ERN2: variants seen among roughly 807,000 people sequenced by gnomAD.
ERN2 encodes serine/threonine-protein kinase/endoribonuclease IRE2.
Under a neutral mutation model 107.9 loss-of-function variants are expected in ERN2, and 111 were observed. That is an observed-to-expected ratio of 1.03 (90% CI 0.88 to 1.20). The LOEUF (loss-of-function observed/expected upper bound fraction) is 1.20, where lower values mean the gene tolerates loss of function less well. ERN2 is among the 50% of genes most tolerant of loss of function. ERN2 has a pLI of 0.00. For missense variants in ERN2, 1,225 were observed against 1,197.9 expected, an observed-to-expected ratio of 1.02 and a Z score of -0.33; for synonymous variants, 524 against 501.7, an observed-to-expected ratio of 1.04 and a Z score of -0.59.
intron 17 of ERN2, 61 bp downstream of exon 17, chr16:23,694,667 G>A: frequency 7.1e-7 from 1 of 1,418,122 alleles, no homozygotes; most frequent in Non-Finnish European, 9.5e-7. Context: ...AACTGGGACA[G>A]GGACGGATTC....
At chr16:23,700,406 C>T in intron 13 of ERN2, 133 bp downstream of exon 13, 1 of 857,812 alleles carries the variant, frequency 1.2e-6, no homozygotes, top group Non-Finnish European at 1.8e-6. Flanking sequence ...AGGCTCTACT[C>T]AAAACACTCT....
chr16:23,702,720 A>G lies in ERN2; in HGVS notation c.855-18T>C, dbSNP rs1960139506. 2 of 1,605,460 alleles carry G rather than the reference A, an allele frequency of 1.2e-6. No individual in the cohort carries two copies. The highest frequency in any genetic ancestry group is 1.3e-5 in the African/African-American group (1 of 74,876). On this transcript the variant is annotated intron_variant, in intron 8 of 21. Transcript: ENST00000256797. ...GCGTCATTCTAGTGGGAGAGAAGAA[A>G]AAGAAGAGAAGAATGAATGCTGGTG...
chr16:23,710,912 C>T lies in ERN2; in HGVS notation c.199+1G>A, dbSNP rs1960514149. ...GGGAGGAGGGACCACCTCTTGCTCA[C>T]CATCCCTCAGAGTCCACTTCAGGTC... On this transcript the variant is annotated splice_donor_variant, in intron 2 of 21. Transcript: ENST00000256797. LOFTEE classifies it high-confidence loss of function. 1.2e-6 allele frequency: 2 copies of T among 1,608,422 alleles called. No individual in the cohort carries two copies. Among genetic ancestry groups the T allele is most frequent in the Non-Finnish European group, 8.5e-7 (1 of 1,174,776 alleles).
At chr16:23,696,291 G>A (rs1305896662) in intron 13 of ERN2, among the ~76,000 whole-genome samples, 1 of 152,244 alleles carries the variant, frequency 6.6e-6, no homozygotes, top group African/African-American at 2.4e-5. Flanking sequence ...GAAAGAACGG[G>A]TGGAGGTGAT....
At chr16:23,710,075 A>G in intron 4 of ERN2, 97 bp downstream of exon 4, 2 of 818,018 alleles carry the variant, frequency 2.4e-6, no homozygotes, top group East Asian at 2.4e-5. Flanking sequence ...CCTCTGCAGA[A>G]CAGGAGATAC....
chr16:23,693,429 A>C (rs1174329791), intron 17 of ERN2, among the ~76,000 whole-genome samples: 1 of 151,682 alleles, frequency 6.6e-6, no homozygotes, highest in East Asian at 1.9e-4. Context: ...TCTCTACTAA[A>C]AATACAAAAA....
At position 23,694,717 on chromosome 16, in the gene ERN2, G is replaced by A. The variant is rs560836583; in HGVS notation, c.2100+11C>T. On this transcript the variant is annotated intron_variant, in intron 17 of 21. Coordinates refer to ENST00000256797, the MANE Select transcript of ERN2 (RefSeq NM_033266.4). ...AGCTGTGTGCCTGGAGGACTTGGTG[G>A]ATAGACTCACAGGACTGTCTGGTGG... 6.3e-7 allele frequency: 1 copy of A among 1,591,708 alleles called. No homozygotes were observed. Among genetic ancestry groups the A allele is most frequent in the South Asian group, 1.1e-5 (1 of 88,644 alleles).
chr16:23,696,087 C>G, intron 13 of ERN2, 109 bp from the exon 14 acceptor site: 1 of 761,316 alleles, frequency 1.3e-6, no homozygotes, highest in Non-Finnish European at 2.3e-6. Flanking sequence ...CTCCCATGCT[C>G]AGCCTGGTGC....
At chr16:23,702,568 G>A (rs1465562711) in intron 9 of ERN2, 31 bp from the exon 10 acceptor site, 2 of 1,613,966 alleles carry the variant, frequency 1.2e-6, no homozygotes, top group Admixed American at 1.7e-5. Flanking sequence ...CCATGAGTGA[G>A]GGAGGTTCTT....
chr16:23,692,221 C>T lies in ERN2; in HGVS notation c.2211G>A (p.Gly737=), dbSNP rs770546829. Residue 737 remains glycine, a synonymous_variant, in exon 18 of 22, where the codon GGG becomes GGA. Coordinates refer to ENST00000256797, the MANE Select transcript of ERN2 (RefSeq NM_033266.4). ...SLYRQANILT[G]APCLAHLEEE... ...CCTCCAGGTGAGCCAGACAGGGAGC[C>T]CCTGTGAGGATGTTTGCCTGGCGAT... is the stretch of plus-strand genomic sequence containing the variant. 2.5e-6 allele frequency: 4 copies of T among 1,614,170 alleles called. No homozygotes were observed. Among genetic ancestry groups the T allele is most frequent in the African/African-American group, 2.7e-5 (2 of 75,044 alleles).
rs760025474 is a variant in ERN2 at position 23,695,033 on chromosome 16, T to C, written c.1886A>G (p.His629Arg). 4.3e-6 allele frequency: 7 copies of C among 1,612,992 alleles called. No homozygotes were observed. Among genetic ancestry groups the C allele is most frequent in the Non-Finnish European group, 5.9e-6 (7 of 1,179,620 alleles). Reference protein sequence around the residue: ...QQLMSGLAHLHSLHIVHRDLK... With the variant: ...QQLMSGLAHLRSLHIVHRDLK... ...AGTGCGGGTACCTATGTGTAAAGAG[T>C]GCAGGTGGGCCAGGCCAGACATCAG... Residue 629 changes from histidine (H) to arginine (R), a missense_variant, in exon 16 of 22, where the codon CAC becomes CGC. Physicochemically the swap from His to Arg is conservative, Grantham distance 29. Transcript: ENST00000256797.
Position 23,705,005 on chromosome 16 carries a change from C to A in ERN2, c.732G>T (p.Pro244=), listed in dbSNP as rs144880499. The change falls in exon 8 of 22, where the codon CCG becomes CCT. Residue 244 remains proline, a synonymous_variant. Transcript: ENST00000256797. ...GAGTGTCTCGAGCCAGCGTGAGATGCGGCAGCTGGCGCAGGCCGTCCTGGT... is the reference window on the plus strand; with the variant it reads ...GAGTGTCTCGAGCCAGCGTGAGATGAGGCAGCTGGCGCAGGCCGTCCTGGT... ...TWHQDGLRQL[P]HLTLARDTLH... The A allele has an allele frequency of 6.2e-7, 1 of 1,613,852 alleles. No individual in the cohort carries two copies. The highest frequency in any genetic ancestry group is 1.3e-5 in the African/African-American group (1 of 74,930).
intron 8 of ERN2, among the ~76,000 whole-genome samples, chr16:23,703,288 T>C (rs1363111172): frequency 2.0e-5 from 3 of 152,156 alleles, no homozygotes; most frequent in African/African-American, 7.2e-5. Flanking sequence ...TCTTCCTCCT[T>C]CTTCTCCCCC....
At position 23,710,176 on chromosome 16, in the gene ERN2, A is replaced by G; in HGVS notation, c.302T>C (p.Leu101Ser). The G allele has an allele frequency of 6.2e-7, 1 of 1,610,778 alleles. No individual in the cohort carries two copies. ...CGAACACCATGGGATACAAACCATT[A>G]ATCCCTGTTGTTTTTGGGTCCCCAA... ...YILGTQKQQGLMKLPFTIPEL... is the reference protein window; with the variant it reads ...YILGTQKQQGSMKLPFTIPEL... The change falls in exon 4 of 22, where the codon TTA becomes TCA. Residue 101 changes from leucine (L) to serine (S), a missense_variant. Coordinates refer to ENST00000256797, the MANE Select transcript of ERN2 (RefSeq NM_033266.4).
chr16:23,710,107 T>A, intron 4 of ERN2, 65 bp downstream of exon 4: 1 of 1,107,598 alleles, frequency 9.0e-7, no homozygotes, highest in Non-Finnish European at 1.4e-6. Flanking sequence ...CCTCTCCACC[T>A]CTCAGTGCTC....
intron 8 of ERN2, 55 bp from the exon 9 acceptor site, chr16:23,702,757 C>T: frequency 6.9e-7 from 1 of 1,458,278 alleles, no homozygotes; most frequent in Non-Finnish European, 9.6e-7. Flanking sequence ...TGGGTAGTTT[C>T]AGTTATCAAG....
intron 14 of ERN2, 107 bp from the exon 15 acceptor site, chr16:23,695,496 C>A (rs893108197): frequency 3.6e-6 from 4 of 1,106,864 alleles, no homozygotes; most frequent in Admixed American, 2.2e-5. Flanking sequence ...GAGGCCAAGG[C>A]GGGCGGGTCA....
intron 4 of ERN2, chr16:23,707,487 G>A (rs1960366673): frequency 4.8e-6 from 1 of 207,718 alleles, no homozygotes; most frequent in Admixed American, 5.7e-5. Flanking sequence ...GGCTGAAGCA[G>A]AGGATCGCTT....
intron 4 of ERN2, among the ~76,000 whole-genome samples, chr16:23,708,794 T>C (rs1960426831): frequency 6.6e-6 from 1 of 152,220 alleles, no homozygotes; most frequent in African/African-American, 2.4e-5. Flanking sequence ...CTGCCGTGAT[T>C]GTAAGTTTCC....
Sources: gnomAD v4.1 joint callset for allele counts (sites outside exome capture counted in the v4.1 genomes callset) on GRCh38, gnomAD v4.1.1 for gene constraint, MANE v1.5 for transcripts, NCBI Gene and HGNC (gene_info 2026-07-23, HGNC 2026-07-21) for gene names.